The following EXOC4 variants were observed in gnomAD, a reference collection of about 807,000 sequenced individuals.
EXOC4 encodes exocyst complex component 4, also known as SEC8-like 1.
In EXOC4, 71 loss-of-function variants were observed where a neutral mutation model predicts 107.2. That is an observed-to-expected ratio of 0.66 (90% confidence interval 0.55 to 0.81). The LOEUF (loss-of-function observed/expected upper bound fraction) is 0.81, where lower values mean the gene tolerates loss of function less well. Among genes scored for constraint, EXOC4 ranks in the 30% least tolerant of loss-of-function variants. The pLI, the probability that EXOC4 is intolerant of heterozygous loss-of-function variation, is 0.00. For missense variants in EXOC4, 1,108 were observed against 1,189.6 expected (o/e 0.93, Z 1.01); for synonymous variants, 456 against 441.2 (o/e 1.03, Z -0.42).
chr7:133,678,443 A>C (rs555289495), intron 10 of EXOC4, among the ~76,000 whole-genome samples: 18 of 152,306 alleles, frequency 1.2e-4, no homozygotes, highest in African/African-American at 4.1e-4. Context: ...TGTTTCCCTC[A>C]TGCTGACCCC....
At chr7:133,336,820 G>A (rs1040530915) in intron 5 of EXOC4, among the ~76,000 whole-genome samples, 3 of 151,788 alleles carry the variant, frequency 2.0e-5, no homozygotes, top group Non-Finnish European at 4.4e-5. Context: ...TGCAACCTCC[G>A]CCTCCCGGGT....
intron 11 of EXOC4, among the ~76,000 whole-genome samples, chr7:133,829,121 T>C (rs1220716431): frequency 6.6e-6 from 1 of 152,148 alleles, no homozygotes; most frequent in Non-Finnish European, 1.5e-5. Context: ...ACAGTCACAA[T>C]GTAAGCAAAG....
chr7:133,603,638 A>G (rs1801862857), intron 9 of EXOC4, among the ~76,000 whole-genome samples: 1 of 152,216 alleles, frequency 6.6e-6, no homozygotes, highest in African/African-American at 2.4e-5. Flanking sequence ...ACATATGTAA[A>G]CATAGAAAAG....
chr7:133,882,121 G>C (rs763744542), intron 11 of EXOC4, among the ~76,000 whole-genome samples: 1 of 152,128 alleles, frequency 6.6e-6, no homozygotes, highest in South Asian at 2.1e-4. Context: ...TCTGTGACTG[G>C]CTACTTTCAT....
At chr7:134,040,223 A>G (rs1795483528) in intron 17 of EXOC4, among the ~76,000 whole-genome samples, 1 of 152,144 alleles carries the variant, frequency 6.6e-6, no homozygotes, top group African/African-American at 2.4e-5. Context: ...TTTTTGCCCA[A>G]TCCTTAGAGT....
At chr7:133,712,380 G>A (rs1161134259) in intron 10 of EXOC4, among the ~76,000 whole-genome samples, 2 of 144,700 alleles carry the variant, frequency 1.4e-5, no homozygotes, top group African/African-American at 2.6e-5. Flanking sequence ...CAGAGGTTGC[G>A]GTGAGCTGAG....
intron 9 of EXOC4, among the ~76,000 whole-genome samples, chr7:133,620,500 C>T (rs1563129590): frequency 6.6e-6 from 1 of 152,140 alleles, no homozygotes; most frequent in Non-Finnish European, 1.5e-5. Context: ...CCACACAAAA[C>T]TTGTACCTGG....
intron 7 of EXOC4, among the ~76,000 whole-genome samples, chr7:133,431,532 A>G (rs920094947): frequency 2.4e-4 from 37 of 152,222 alleles, no homozygotes; most frequent in African/African-American, 8.4e-4. Flanking sequence ...CAGGTTTGCT[A>G]TCTACTAGTA....
intron 10 of EXOC4, among the ~76,000 whole-genome samples, chr7:133,770,740 A>G (rs73152978): frequency 0.1 from 15,225 of 151,930 alleles, 846 homozygotes; most frequent in African/African-American, 0.14. Context: ...TAAAATATGT[A>G]GACTCATTTA....
intron 10 of EXOC4, among the ~76,000 whole-genome samples, chr7:133,771,870 G>A (rs1436505353): frequency 6.6e-6 from 1 of 151,888 alleles, no homozygotes; most frequent in Non-Finnish European, 1.5e-5. Context: ...ATTGAAATCA[G>A]TTGATTAATA....
intron 14 of EXOC4, among the ~76,000 whole-genome samples, chr7:133,969,473 T>C (rs1191006307): frequency 6.6e-6 from 1 of 152,230 alleles, no homozygotes; most frequent in Non-Finnish European, 1.5e-5. Flanking sequence ...CTCATCTTCG[T>C]GGATTTATCT....
chr7:133,254,096 G>A (rs1009724360), intron 1 of EXOC4: 1 of 151,982 alleles, frequency 6.6e-6, no homozygotes, highest in Non-Finnish European at 1.5e-5. Context: ...TTGAGTTCTT[G>A]CAAGTTTTCT....
intron 17 of EXOC4, among the ~76,000 whole-genome samples, chr7:134,040,112 G>T (rs1321472966): frequency 6.6e-6 from 1 of 152,150 alleles, no homozygotes; most frequent in Non-Finnish European, 1.5e-5. Flanking sequence ...GGAATAAAGC[G>T]ACAGTCCCAC....
At chr7:133,312,963 T>C (rs1794908445) in intron 4 of EXOC4, among the ~76,000 whole-genome samples, 2 of 152,140 alleles carry the variant, frequency 1.3e-5, no homozygotes, top group Non-Finnish European at 2.9e-5. Context: ...TAACCTTGCT[T>C]CCTCAGCCAT....
At chr7:133,672,366 G>T (rs1793966139) in intron 10 of EXOC4, among the ~76,000 whole-genome samples, 1 of 150,814 alleles carries the variant, frequency 6.6e-6, no homozygotes, top group African/African-American at 2.4e-5. Flanking sequence ...ACTCCAGCCT[G>T]GGCGACAGAG....
At chr7:133,257,235 A>G (rs1584753690) in intron 1 of EXOC4, among the ~76,000 whole-genome samples, 1 of 124,866 alleles carries the variant, frequency 8.0e-6, no homozygotes, top group Non-Finnish European at 1.6e-5. Flanking sequence ...AAATGGAACT[A>G]ACCGGGGGGG....
At position 133,857,110 on chromosome 7, in the gene EXOC4, A is replaced by ATG. The variant is rs573193084; in HGVS notation, c.1735-38485_1735-38484dup. Among the ~76,000 whole-genome samples the ATG allele has an allele frequency of 7.7e-4, 78 of 100,890 alleles. 11 individuals are homozygous for ATG. Among genetic ancestry groups the ATG allele is most frequent in the Non-Finnish European group, 1.1e-3 (57 of 52,706 alleles). 66.2% of individuals were successfully genotyped at this position (100,890 alleles called of 152,430 possible). A position where few individuals can be genotyped will look rare whatever the true frequency, so the allele number is the denominator to read the frequency against. On this transcript the variant is annotated intron_variant, in intron 11 of 17. Transcript: ENST00000253861. ...AGACTCCGTCTTTATATATATATAT[A>ATG]TGTGTATATATATATGTATATATAT...
intron 11 of EXOC4, among the ~76,000 whole-genome samples, chr7:133,845,330 TTAG>T (rs202052617): frequency 1.7e-3 from 238 of 142,424 alleles, no homozygotes; most frequent in South Asian, 5.9e-3. Context: ...GATAGGCAGG[TTAG>T]TAGTGTGTGT....
At chr7:133,461,190 G>T (rs914090199) in intron 7 of EXOC4, among the ~76,000 whole-genome samples, 9 of 152,248 alleles carry the variant, frequency 5.9e-5, no homozygotes, top group African/African-American at 1.9e-4. Context: ...TTCTGAGGAG[G>T]CTGCGATGAA....
Sources: gnomAD v4.1 joint callset for allele counts (sites outside exome capture counted in the v4.1 genomes callset) on GRCh38, gnomAD v4.1.1 for gene constraint, MANE v1.5 for transcripts, NCBI Gene and HGNC (gene_info 2026-07-23, HGNC 2026-07-21) for gene names.